UPF3A: variants seen among roughly 807,000 people sequenced by gnomAD.
UPF3A encodes UPF3A regulator of nonsense mediated mRNA decay.
A neutral mutation model predicts 53.5 loss-of-function variants in UPF3A; 42 were observed. The ratio of observed to expected loss-of-function variants is 0.78; its 90% CI spans 0.61 to 1.01. The LOEUF (loss-of-function observed/expected upper bound fraction) is 1.01, where lower values mean the gene tolerates loss of function less well. Among genes scored for constraint, UPF3A ranks in the 50% least tolerant of loss-of-function variants. UPF3A has a pLI of 0.00. For missense variants in UPF3A, 575 were observed against 598.0 expected (o/e 0.96, Z 0.40); for synonymous variants, 237 against 225.3 (o/e 1.05, Z -0.47).
chr13:114,284,799 G>C (rs189426004), intron 3 of UPF3A, among the ~76,000 whole-genome samples: 9 of 152,282 alleles, frequency 5.9e-5, no homozygotes, highest in Admixed American at 3.9e-4. Flanking sequence ...AGTCGTCCTT[G>C]TTTCCGGTTA....
intron 9 of UPF3A, among the ~76,000 whole-genome samples, chr13:114,304,205 G>A (rs993967338): frequency 1.3e-5 from 2 of 152,248 alleles, no homozygotes; most frequent in African/African-American, 2.4e-5. Context: ...AGGAGGAATT[G>A]TGCTGCTGTC....
In UPF3A at chr13:114,288,993, C is replaced by T. The variant is rs552151641; in HGVS notation, c.631+2364C>T. On this transcript the variant is annotated intron_variant, in intron 5 of 9. Transcript: ENST00000375299. Reference sequence around the variant, plus strand: ...TTGCAAAGGATCGGTCACTTTAGGGCTGTTTTGAGACATACCTTTTTGGGG... The same window carrying T: ...TTGCAAAGGATCGGTCACTTTAGGGTTGTTTTGAGACATACCTTTTTGGGG... 5.3e-5 allele frequency among the ~76,000 whole-genome samples: 8 copies of T among 152,192 alleles called. No homozygotes were observed. In the South Asian group the frequency reaches 1.2e-3, roughly 24 times the overall value.
intron 7 of UPF3A, among the ~76,000 whole-genome samples, chr13:114,298,044 G>C (rs1566764013): frequency 1.3e-5 from 2 of 151,868 alleles, no homozygotes; most frequent in Non-Finnish European, 2.9e-5. Context: ...CAGTGCTGCA[G>C]AGCCCTTTAG....
rs982649735 is a variant in UPF3A, at chr13:114,281,827, AGAG to A, written c.191_193del (p.Arg64del). 8.5e-6 allele frequency: 13 copies of A among 1,526,814 alleles called. No individual in the cohort carries two copies. In the African/African-American group the frequency reaches 1.1e-4, roughly 13 times the overall value. 94.6% of individuals were successfully genotyped at this position (1,526,814 alleles called of 1,614,324 possible). ...GGTGCGGGCAAACCTCGCGAGGAGA[AGAG>A]GACGGCCCTGAGCAAGGTGGGGACG... On this transcript the variant is annotated inframe_deletion, in exon 1 of 10. Transcript: ENST00000375299.
chr13:114,284,383 A>ATGTGTG (rs35035838), intron 3 of UPF3A, among the ~76,000 whole-genome samples: 1 of 150,362 alleles, frequency 6.7e-6, no homozygotes, highest in African/African-American at 2.5e-5. Context: ...GTGTATGTAT[A>ATGTGTG]TGTGTGTGTG....
intron 5 of UPF3A, among the ~76,000 whole-genome samples, chr13:114,289,307 T>C (rs1355693647): frequency 6.6e-6 from 1 of 152,106 alleles, no homozygotes; most frequent in African/African-American, 2.4e-5. Context: ...GGGCAGATCA[T>C]GAGGTCAAGA....
chr13:114,297,221 C>CA (rs779288939), intron 7 of UPF3A, among the ~76,000 whole-genome samples: 4,160 of 150,046 alleles, frequency 0.028, 200 homozygotes, highest in African/African-American at 0.097. Context: ...GTGGTGCTTC[C>CA]GTTTTTTTTT....
intron 3 of UPF3A, among the ~76,000 whole-genome samples, chr13:114,284,609 G>A (rs1202377927): frequency 1.3e-5 from 2 of 151,614 alleles, no homozygotes; most frequent in Admixed American, 6.6e-5. Flanking sequence ...TGAGGCATGA[G>A]ACTCACTTGA....
At chr13:114,286,989 A>G (rs1029542355) in intron 5 of UPF3A, 4 of 178,052 alleles carry the variant, frequency 2.2e-5, no homozygotes, top group Admixed American at 1.7e-4. Context: ...AAGAGCCCAT[A>G]GGAATGAGAT....
intron 3 of UPF3A, 82 bp downstream of exon 3, chr13:114,283,025 A>G (rs1442783669): frequency 6.3e-6 from 7 of 1,109,210 alleles, no homozygotes; most frequent in East Asian, 2.6e-5. Context: ...TGCTTTTTAA[A>G]TTATTATTAT....
intron 8 of UPF3A, 152 bp downstream of exon 8, chr13:114,299,152 T>C: frequency 1.4e-6 from 1 of 735,024 alleles, no homozygotes; most frequent in Non-Finnish European, 2.0e-6. Context: ...CCCATCAGCA[T>C]GGCAGGAACG....
At chr13:114,292,148 T>C (rs1423200362) in intron 7 of UPF3A, among the ~76,000 whole-genome samples, 5 of 145,830 alleles carry the variant, frequency 3.4e-5, no homozygotes, top group African/African-American at 5.0e-5. Flanking sequence ...AAGGCGTACA[T>C]GTGCAGGTGT....
rs1566731582 is a variant in UPF3A at position 114,286,291 on chromosome 13, C to T, written c.422-11C>T. The T allele has an allele frequency of 6.2e-7, 1 of 1,611,570 alleles. No individual in the cohort carries two copies. On this transcript the variant is annotated splice_polypyrimidine_tract_variant and intron_variant, in intron 3 of 9. Coordinates refer to ENST00000375299, the MANE Select transcript of UPF3A (RefSeq NM_023011.4). The stretch of plus-strand genomic sequence containing the variant: ...TCAGAATGGCTTCTGGAACATGTTT[C>T]CTGTTAAAAGGCCTAGAATATCCTG...
intron 5 of UPF3A, among the ~76,000 whole-genome samples, chr13:114,289,901 A>G (rs1283834114): frequency 6.6e-6 from 1 of 152,210 alleles, no homozygotes; most frequent in African/African-American, 2.4e-5. Context: ...TTATAGGAAG[A>G]GGAAGGTGGG....
chr13:114,288,988 T>G (rs117225259), intron 5 of UPF3A, among the ~76,000 whole-genome samples: 461 of 152,296 alleles, frequency 3.0e-3, no homozygotes, highest in African/African-American at 6.7e-3. Context: ...TCGGTCACTT[T>G]AGGGCTGTTT....
intron 9 of UPF3A, among the ~76,000 whole-genome samples, chr13:114,302,343 G>A (rs1280227823): frequency 6.6e-6 from 1 of 152,140 alleles, no homozygotes; most frequent in Non-Finnish European, 1.5e-5. Context: ...ATATTTCATG[G>A]AGGTTTCTTC....
At chr13:114,288,147 G>GGCTGCAT (rs1287436756) in intron 5 of UPF3A, among the ~76,000 whole-genome samples, 1 of 152,226 alleles carries the variant, frequency 6.6e-6, no homozygotes, top group African/African-American at 2.4e-5. Context: ...AATATGCTGA[G>GGCTGCAT]GCTGCATGCT....
At chr13:114,283,905 GT>G (rs2084385686) in intron 3 of UPF3A, 1 of 985,168 alleles carries the variant, frequency 1.0e-6, no homozygotes, top group African/African-American at 1.7e-5. Flanking sequence ...ACTGATGAGT[GT>G]TTTCTTTTTC....
chr13:114,291,429 GTATTTAAAATACATCTT>G, intron 5 of UPF3A, 43 bp from the exon 6 acceptor site: 1 of 1,407,386 alleles, frequency 7.1e-7, no homozygotes, highest in Non-Finnish European at 9.7e-7. Flanking sequence ...TTCAAAACAA[GTATTTAAAATACATCTT>G]TCTTTAGGAG....
Sources: allele counts gnomAD v4.1 joint callset (sites outside exome capture counted in the v4.1 genomes callset), GRCh38; gene constraint gnomAD v4.1.1; transcripts MANE v1.5; gene names NCBI Gene and HGNC (gene_info 2026-07-23, HGNC 2026-07-21).